Variants in ASB7 observed in about 807,000 individuals in gnomAD.
ASB7 encodes the protein ankyrin repeat and SOCS box protein 7.
Under a neutral mutation model 32.5 loss-of-function variants are expected in ASB7, and 4 were observed. The observed-to-expected ratio is 0.12, with a 90% CI of 0.06 to 0.28. The LOEUF (loss-of-function observed/expected upper bound fraction) is 0.28, where lower values mean the gene tolerates loss of function less well. ASB7 is among the 10% of genes least tolerant of loss of function. The probability of loss-of-function intolerance (pLI) is 1.00; values close to 1 mark genes in which losing one functional copy is unlikely to be tolerated. For missense variants in ASB7, 181 were observed against 407.1 expected (o/e 0.44, Z 4.78); for synonymous variants, 172 against 155.6 (o/e 1.11, Z -0.78).
At chr15:100,609,284 C>T (rs902675158) in intron 2 of ASB7, among the ~76,000 whole-genome samples, 1 of 152,108 alleles carries the variant, frequency 6.6e-6, no homozygotes, top group African/African-American at 2.4e-5. Context: ...ACCCAGGCCA[C>T]CTATTATATT....
chr15:100,627,676 G>A (rs1361155879), intron 4 of ASB7, among the ~76,000 whole-genome samples: 4 of 152,172 alleles, frequency 2.6e-5, no homozygotes, highest in Non-Finnish European at 5.9e-5. Flanking sequence ...TAATTTTACT[G>A]TCAAATAGAA....
intron 4 of ASB7, among the ~76,000 whole-genome samples, chr15:100,614,300 A>G (rs1421153283): frequency 6.6e-6 from 1 of 152,004 alleles, no homozygotes; most frequent in African/African-American, 2.4e-5. Context: ...AAAGAAAGAA[A>G]GAAAGAAAAA....
chr15:100,644,743 C>G (rs1567119093), intron 5 of ASB7, among the ~76,000 whole-genome samples: 1 of 152,122 alleles, frequency 6.6e-6, no homozygotes, highest in African/African-American at 2.4e-5. Flanking sequence ...GATGGTGAAT[C>G]CTGACATAGT....
chr15:100,611,483 TC>T (rs1464604359), intron 3 of ASB7, among the ~76,000 whole-genome samples: 4 of 86,944 alleles, frequency 4.6e-5, no homozygotes, highest in African/African-American at 1.6e-4. Context: ...TTGTTTCGAT[TC>T]TTTTTTTTTT....
chr15:100,623,891 G>A (rs1234680940), intron 4 of ASB7, among the ~76,000 whole-genome samples: 1 of 152,210 alleles, frequency 6.6e-6, no homozygotes, highest in African/African-American at 2.4e-5. Flanking sequence ...ACCTGCACTT[G>A]TGTGTTTATT....
chr15:100,603,388 G>A (rs2039586686), intron 2 of ASB7, 75 bp downstream of exon 2: 1 of 174,176 alleles, frequency 5.7e-6, no homozygotes, highest in Admixed American at 6.3e-5. Context: ...TTATTTTCAG[G>A]GTGGTTGCCT....
chr15:100,604,868 TA>T (rs1045382911), intron 2 of ASB7, among the ~76,000 whole-genome samples: 5 of 152,224 alleles, frequency 3.3e-5, no homozygotes, highest in African/African-American at 9.6e-5. Context: ...TCAGAACTTT[TA>T]AAAAATGCTA....
At chr15:100,622,839 G>T (rs1471280968) in intron 4 of ASB7, among the ~76,000 whole-genome samples, 1 of 152,130 alleles carries the variant, frequency 6.6e-6, no homozygotes, top group Non-Finnish European at 1.5e-5. Context: ...TCTACTGGAA[G>T]AAAACAGGAA....
chr15:100,619,612 A>C lies in ASB7; in HGVS notation c.211+7185A>C, dbSNP rs138173592. Among the ~76,000 whole-genome samples the C allele has an allele frequency of 7.1e-4, 108 of 152,344 alleles. 1 individual carries two copies. In the East Asian group the frequency reaches 0.011, roughly 16 times the overall value. On this transcript the variant is annotated intron_variant, in intron 4 of 5. Coordinates refer to ENST00000332783, the MANE Select transcript of ASB7 (RefSeq NM_198243.3). ...TTTAATAAATGGGACATAGGTGTCT[A>C]ATACCAGTCACTCACCCACCTAGAA...
chr15:100,627,460 G>A (rs2039849312), intron 4 of ASB7, among the ~76,000 whole-genome samples: 2 of 152,018 alleles, frequency 1.3e-5, no homozygotes, highest in South Asian at 2.1e-4. Flanking sequence ...TTATTTCATG[G>A]GCTAATAATC....
At chr15:100,645,464 G>A in intron 5 of ASB7, 1 of 492,784 alleles carries the variant, frequency 2.0e-6, no homozygotes, top group Non-Finnish European at 3.8e-6. Context: ...TTTATTATCT[G>A]CTCCTCCACT....
chr15:100,619,182 G>A (rs1419062867), intron 4 of ASB7, among the ~76,000 whole-genome samples: 1 of 152,184 alleles, frequency 6.6e-6, no homozygotes. Context: ...GTGAGGCAAG[G>A]ATGGAGGCTG....
At position 100,632,267 on chromosome 15, in the gene ASB7, G is replaced by A. The variant is rs563186644; in HGVS notation, c.817+2225G>A. 1.7e-4 allele frequency among the ~76,000 whole-genome samples: 26 copies of A among 152,324 alleles called. 1 individual carries two copies. Among genetic ancestry groups the A allele is most frequent in the African/African-American group, 5.5e-4 (23 of 41,574 alleles). ...CAGTCTGGCTGACTGCGCACAGCGA[G>A]GGGTGGGGACTGAGGAAGCACAGGC... is the stretch of plus-strand genomic sequence containing the variant. On this transcript the variant is annotated intron_variant, in intron 5 of 5. Transcript: ENST00000332783.
At chr15:100,610,058 A>G (rs1267601987) in intron 3 of ASB7, among the ~76,000 whole-genome samples, 3 of 152,244 alleles carry the variant, frequency 2.0e-5, no homozygotes, top group Non-Finnish European at 4.4e-5. Context: ...TTGTGAGCAT[A>G]GTATGTTTCC....
At position 100,629,586 on chromosome 15, in the gene ASB7, C is replaced by T; in HGVS notation, c.361C>T (p.Leu121Phe). ...NAKSNDGWTPLHVAAHYGRDS... is the reference protein window; with the variant it reads ...NAKSNDGWTPFHVAAHYGRDS... ...AAAAAGCAATGACGGCTGGACTCCC[C>T]TCCATGTGGCTGCCCACTACGGCAG... Residue 121 changes from leucine to phenylalanine, a missense_variant, in exon 5 of 6, where the codon CTC (leucine) becomes TTC (phenylalanine). Leu to Phe is a conservative substitution (Grantham distance 22, BLOSUM62 0). Transcript: ENST00000332783. This position sits in a 1 kb window ranked among gnomAD's most constrained non-coding sequence, Gnocchi z 6.8. 6.2e-7 allele frequency: 1 copy of T among 1,614,240 alleles called. No homozygotes were observed. Among genetic ancestry groups the T allele is most frequent in the South Asian group, 1.1e-5 (1 of 91,088 alleles).
At chr15:100,624,967 A>C (rs1281033500) in intron 4 of ASB7, among the ~76,000 whole-genome samples, 1 of 152,256 alleles carries the variant, frequency 6.6e-6, no homozygotes, top group Admixed American at 6.5e-5. Context: ...TAACATCTGA[A>C]AATCAATAGG....
Position 100,648,323 on chromosome 15 carries a change from G to A in ASB7, c.818G>A (p.Arg273Lys), listed in dbSNP as rs1174814408. 2.5e-6 allele frequency: 4 copies of A among 1,579,460 alleles called. No homozygotes were observed. Among genetic ancestry groups the A allele is most frequent in the African/African-American group, 2.8e-5 (2 of 72,414 alleles). Residue 273 changes from arginine to lysine, a missense_variant and splice_region_variant, in exon 6 of 6, where the codon AGA becomes AAA. Physicochemically the swap from Arg to Lys is conservative, Grantham distance 26. Transcript: ENST00000332783. ...CATTTTCTTTTTTCTGTCTTTTTAGGACAGCCCAGAAACTTGCAGGACCTG... is the reference window on the plus strand; with the variant it reads ...CATTTTCTTTTTTCTGTCTTTTTAGAACAGCCCAGAAACTTGCAGGACCTG... ...PCLDFLQEVTRQPRNLQDLCR... is the reference protein window; with the variant it reads ...PCLDFLQEVTKQPRNLQDLCR...
chr15:100,630,130 T>TA lies in ASB7; in HGVS notation c.817+89dup. On this transcript the variant is annotated intron_variant, in intron 5 of 5. Coordinates refer to ENST00000332783, the MANE Select transcript of ASB7 (RefSeq NM_198243.3). The stretch of plus-strand genomic sequence containing the variant: ...ATGTGTTTTTGCAACTTAAGATGAC[T>TA]AGATATTAATCATTCCTATAACCAC... 3 of 1,418,484 alleles carry TA rather than the reference T, an allele frequency of 2.1e-6. No individual in the cohort carries two copies. The South Asian group carries it at 4.6e-5, about 22-fold the overall frequency. 87.9% of individuals were successfully genotyped at this position (1,418,484 alleles called of 1,614,324 possible).
At chr15:100,646,515 G>C (rs1009585427) in intron 5 of ASB7, 11 of 445,608 alleles carry the variant, frequency 2.5e-5, no homozygotes, top group Non-Finnish European at 4.6e-5. Context: ...CATATTTGTG[G>C]AACTCATTTC....
Sources: gnomAD v4.1 joint callset for allele counts (sites outside exome capture counted in the v4.1 genomes callset) on GRCh38, gnomAD v4.1.1 for gene constraint, Gnocchi (gnomAD v3.1) non-coding constraint, MANE v1.5 for transcripts, NCBI Gene and HGNC (gene_info 2026-07-23, HGNC 2026-07-21) for gene names.